Variants in ZFYVE28 observed in about 807,000 individuals in gnomAD.
ZFYVE28 encodes the protein zinc finger FYVE-type containing 28, also known as lateral signaling target protein 2 homolog.
In ZFYVE28, 40 loss-of-function variants were observed where a neutral mutation model predicts 82.1. The observed-to-expected ratio is 0.49, with a 90% CI of 0.38 to 0.63. ZFYVE28 has a LOEUF of 0.63. Ranked by LOEUF, ZFYVE28 falls within the 30% of genes least tolerant of loss-of-function variation. ZFYVE28 has a pLI of 0.00. For synonymous variants in ZFYVE28, 612 were observed against 546.1 expected (o/e 1.12, Z -1.68); for missense variants, 1,321 against 1,242.1 (o/e 1.06, Z -0.96).
intron 1 of ZFYVE28, among the ~76,000 whole-genome samples, chr4:2,375,388 T>C (rs1303465320): frequency 3.9e-5 from 6 of 152,114 alleles, no homozygotes; most frequent in Admixed American, 3.9e-4. Flanking sequence ...CCCCGGTACC[T>C]CCCCAAGGGT....
intron 6 of ZFYVE28, among the ~76,000 whole-genome samples, chr4:2,327,330 C>T (rs1187091671): frequency 7.4e-6 from 1 of 134,254 alleles, no homozygotes; most frequent in African/African-American, 2.8e-5. Flanking sequence ...TGCCATCAAA[C>T]AGTAACAATT....
intron 8 of ZFYVE28, among the ~76,000 whole-genome samples, chr4:2,280,565 A>G (rs562308671): frequency 4.4e-4 from 67 of 152,372 alleles, no homozygotes; most frequent in Non-Finnish European, 3.5e-4. Context: ...ATGTACATAA[A>G]TGACACACTG....
chr4:2,273,866 G>A (rs1736147384), intron 9 of ZFYVE28, among the ~76,000 whole-genome samples, 196 bp downstream of exon 9: 4 of 152,046 alleles, frequency 2.6e-5, no homozygotes, highest in Admixed American at 2.6e-4. Flanking sequence ...CTCACCCGCA[G>A]CTCCCCTCCT....
intron 6 of ZFYVE28, chr4:2,328,772 T>C (rs1327371395): frequency 4.5e-6 from 1 of 221,858 alleles, no homozygotes; most frequent in African/African-American, 2.3e-5. Flanking sequence ...AGATGACACA[T>C]GAAGTTAACC....
intron 8 of ZFYVE28, among the ~76,000 whole-genome samples, chr4:2,284,411 G>A (rs958126806): frequency 2.0e-5 from 3 of 152,204 alleles, no homozygotes; most frequent in Admixed American, 2.0e-4. Context: ...CCATGATGGG[G>A]AGGAGGAGAG....
rs570437644 is a variant in ZFYVE28, at chr4:2,275,337, T to G, written c.2052-1121A>C. ...CGCCCAACTCTAGGGGTGCACCCACTGGCCCTCTCATTTTAAACTAATTTA... is the reference window on the plus strand; with the variant it reads ...CGCCCAACTCTAGGGGTGCACCCACGGGCCCTCTCATTTTAAACTAATTTA... On this transcript the variant is annotated intron_variant, in intron 8 of 12. Transcript: ENST00000290974. 2.8e-4 allele frequency among the ~76,000 whole-genome samples: 43 copies of G among 152,362 alleles called. No individual in the cohort carries two copies. The South Asian group carries it at 8.7e-3, about 31-fold the overall frequency.
At chr4:2,391,511 A>G (rs1412515452) in intron 1 of ZFYVE28, among the ~76,000 whole-genome samples, 11 of 108,020 alleles carry the variant, frequency 1.0e-4, no homozygotes, top group Non-Finnish European at 2.0e-4. Context: ...AAAATTTGCC[A>G]TTTTCACCCT....
intron 6 of ZFYVE28, among the ~76,000 whole-genome samples, chr4:2,326,671 G>A (rs115766033): frequency 0.012 from 1,868 of 152,262 alleles, 27 homozygotes; most frequent in Admixed American, 0.032. Context: ...TCCAATCCAT[G>A]AACATGGAAT....
At chr4:2,294,247 C>T (rs1466527927) in intron 8 of ZFYVE28, among the ~76,000 whole-genome samples, 3 of 152,170 alleles carry the variant, frequency 2.0e-5, no homozygotes, top group African/African-American at 4.8e-5. Flanking sequence ...GGTGTCAATA[C>T]AGGCAAATAG....
chr4:2,274,853 T>G (rs527987075), intron 8 of ZFYVE28, among the ~76,000 whole-genome samples: 2 of 137,124 alleles, frequency 1.5e-5, no homozygotes, highest in Admixed American at 1.4e-4. Context: ...AAGGAACACC[T>G]GGAGTCCCCA....
intron 1 of ZFYVE28, among the ~76,000 whole-genome samples, chr4:2,411,594 G>A (rs1243001500): frequency 6.6e-6 from 1 of 152,180 alleles, no homozygotes; most frequent in African/African-American, 2.4e-5. Flanking sequence ...TTTGCCTGAC[G>A]CATACGGGTG....
rs532999574 is a variant in ZFYVE28, at chr4:2,362,865, C to A, written c.40-8792G>T. Among the ~76,000 whole-genome samples, 1 of 151,778 alleles carries A rather than the reference C, an allele frequency of 6.6e-6. No individual in the cohort carries two copies. Reference sequence around the variant, plus strand: ...GGCCTGGCAGGGAGTGAGGATGGGACGGTCCTGCTCACTTCCTGCCTTGGC... The same window carrying A: ...GGCCTGGCAGGGAGTGAGGATGGGAAGGTCCTGCTCACTTCCTGCCTTGGC... On this transcript the variant is annotated intron_variant, in intron 1 of 12. Coordinates refer to ENST00000290974, the MANE Select transcript of ZFYVE28 (RefSeq NM_020972.3). This position sits in a 1 kb window ranked among gnomAD's most constrained non-coding sequence, Gnocchi z 5.1.
chr4:2,341,768 C>A lies in ZFYVE28; in HGVS notation c.181-153G>T, dbSNP rs1380265413. 2.6e-5 allele frequency among the ~76,000 whole-genome samples: 4 copies of A among 152,172 alleles called. No individual in the cohort carries two copies. The highest frequency in any genetic ancestry group is 5.9e-5 in the Non-Finnish European group (4 of 68,022). ...GGCACGGTGGCTCATGCCTATAATG[C>A]CAGCACTTTGGGAGGCCGAGGCGGG... On this transcript the variant is annotated intron_variant, in intron 2 of 12. Transcript: ENST00000290974. This position sits in a 1 kb window ranked among gnomAD's most constrained non-coding sequence, Gnocchi z 4.5.
intron 1 of ZFYVE28, among the ~76,000 whole-genome samples, chr4:2,354,491 T>G (rs1299721790): frequency 7.3e-6 from 1 of 137,618 alleles, no homozygotes; most frequent in African/African-American, 2.9e-5. Context: ...GGAGTTTCAC[T>G]CTTGTTGCAC....
intron 8 of ZFYVE28, among the ~76,000 whole-genome samples, chr4:2,294,440 C>T (rs1714228466): frequency 6.6e-6 from 1 of 152,164 alleles, no homozygotes; most frequent in African/African-American, 2.4e-5. Context: ...ACATGAGTTA[C>T]TTCAAATGGA....
intron 1 of ZFYVE28, among the ~76,000 whole-genome samples, chr4:2,360,418 C>CACAT (rs1191884103): frequency 1.2e-4 from 18 of 151,544 alleles, no homozygotes; most frequent in Admixed American, 1.1e-3. Flanking sequence ...CACACACACA[C>CACAT]ACACACACAG....
In ZFYVE28 at chr4:2,364,546, C is replaced by A. The variant is rs1726605274; in HGVS notation, c.40-10473G>T. The A allele has an allele frequency of 4.1e-6, 4 of 985,520 alleles. No homozygotes were observed. The South Asian group carries it at 1.4e-4, about 35-fold the overall frequency. 61.0% of individuals were successfully genotyped at this position (985,520 alleles called of 1,614,324 possible). A position where few individuals can be genotyped will look rare whatever the true frequency, so the allele number is the denominator to read the frequency against. On this transcript the variant is annotated intron_variant, in intron 1 of 12. Coordinates refer to ENST00000290974, the MANE Select transcript of ZFYVE28 (RefSeq NM_020972.3). ...CACAGCCCAGACGCAACAGGAGCCA[C>A]GTGGGAAGGGAATTTAGACGGTCGG... is the stretch of plus-strand genomic sequence containing the variant.
chr4:2,336,015 C>G (rs1190758832), intron 5 of ZFYVE28, among the ~76,000 whole-genome samples: 1 of 152,206 alleles, frequency 6.6e-6, no homozygotes, highest in Non-Finnish European at 1.5e-5. Flanking sequence ...CAGGTGGCTC[C>G]AGCTTGACCT....
rs1354099617 is a variant in ZFYVE28 at position 2,300,717 on chromosome 4, G to C, written c.2051+3572C>G. Among the ~76,000 whole-genome samples the C allele has an allele frequency of 2.6e-5, 4 of 152,074 alleles. No homozygotes were observed. Among genetic ancestry groups the C allele is most frequent in the Non-Finnish European group, 5.9e-5 (4 of 68,004 alleles). On this transcript the variant is annotated intron_variant, in intron 8 of 12. Transcript: ENST00000290974. The surrounding 1 kb of genome is among the most constrained non-coding windows in gnomAD (Gnocchi z 4.6). ...GGTCTCGGGGGAATCTCACAGGCTG[G>C]TCGGCCGCAGCTCCACACATTTCCT...
Sources: gnomAD v4.1 joint callset for allele counts (sites outside exome capture counted in the v4.1 genomes callset) on GRCh38, gnomAD v4.1.1 for gene constraint, Gnocchi (gnomAD v3.1) non-coding constraint, MANE v1.5 for transcripts, NCBI Gene and HGNC (gene_info 2026-07-23, HGNC 2026-07-21) for gene names.